Variants in CACNA1C observed in about 807,000 individuals in gnomAD.
CACNA1C encodes voltage-dependent L-type calcium channel subunit alpha-1C.
A neutral mutation model predicts 229.0 loss-of-function variants in CACNA1C; 30 were observed. The ratio of observed to expected loss-of-function variants is 0.13; its 90% CI spans 0.10 to 0.18. The LOEUF is 0.18. Among genes scored for constraint, CACNA1C ranks in the 10% least tolerant of loss-of-function variants. CACNA1C has a pLI of 1.00. For synonymous variants in CACNA1C, 1,114 were observed against 1,132.5 expected, an observed-to-expected ratio of 0.98 and a Z score of 0.33; for missense variants, 1,658 against 2,845.0, an observed-to-expected ratio of 0.58 and a Z score of 9.49.
rs1262171750 is a variant in CACNA1C at position 2,310,342 on chromosome 12, TA to T, written c.478-138623del. 7.0e-3 allele frequency among the ~76,000 whole-genome samples: 1,015 copies of T among 144,236 alleles called. 7 individuals are homozygous for T. The highest frequency in any genetic ancestry group is 0.022 in the South Asian group (99 of 4,488). The allele number at this position is 144,236 out of a possible 152,430, so 94.6% of individuals were successfully genotyped here. On this transcript the variant is annotated intron_variant, in intron 3 of 46. Coordinates refer to ENST00000399655, the MANE Select transcript of CACNA1C (RefSeq NM_000719.7). ...CCTGTCCTGTCCTCTGCCTCCCAGT[TA>T]AAAAAAAAAATATATATATATATAT... is the stretch of plus-strand genomic sequence containing the variant.
At chr12:2,325,429 T>C (rs922102110) in intron 3 of CACNA1C, among the ~76,000 whole-genome samples, 2 of 152,252 alleles carry the variant, frequency 1.3e-5, no homozygotes, top group African/African-American at 4.8e-5. Context: ...GAAGTAAATG[T>C]CTAATAGTTG....
At chr12:2,131,718 A>C (rs1175404478) in intron 3 of CACNA1C, among the ~76,000 whole-genome samples, 1 of 147,990 alleles carries the variant, frequency 6.8e-6, no homozygotes, top group Admixed American at 6.7e-5. Flanking sequence ...CCTTGTAGTA[A>C]AGTTTGAAGT....
At chr12:2,681,385 A>C (rs3829328) in intron 42 of CACNA1C, among the ~76,000 whole-genome samples, 22,763 of 152,208 alleles carry the variant, frequency 0.15, 3,222 homozygotes, top group African/African-American at 0.37. Flanking sequence ...GGTACAAACA[A>C]CACACAGGGC....
At chr12:2,004,555 C>T (rs2043007195) in intron 1 of CACNA1C, 1 of 1,382,880 alleles carries the variant, frequency 7.2e-7, no homozygotes, top group Non-Finnish European at 9.6e-7. Flanking sequence ...GGCCTTCCGG[C>T]TCCAGTCACC....
At chr12:2,019,305 T>A (rs2045966013) in intron 1 of CACNA1C, among the ~76,000 whole-genome samples, 1 of 151,842 alleles carries the variant, frequency 6.6e-6, no homozygotes, top group Non-Finnish European at 1.5e-5. Context: ...CTACAAAAAA[T>A]TTTTAAAAAG....
At chr12:2,314,444 C>T (rs992509947) in intron 3 of CACNA1C, among the ~76,000 whole-genome samples, 4 of 152,210 alleles carry the variant, frequency 2.6e-5, no homozygotes, top group East Asian at 3.8e-4. Flanking sequence ...ACGGCTGTGT[C>T]GCCAGCACCC....
intron 3 of CACNA1C, among the ~76,000 whole-genome samples, chr12:2,419,684 C>A (rs993719541): frequency 3.9e-5 from 6 of 152,122 alleles, no homozygotes; most frequent in African/African-American, 1.4e-4. Context: ...AAAGAATAGT[C>A]CCTCTAGACA....
intron 1 of CACNA1C, among the ~76,000 whole-genome samples, chr12:2,023,716 A>G (rs1316964227): frequency 6.6e-6 from 1 of 152,200 alleles, no homozygotes; most frequent in African/African-American, 2.4e-5. Context: ...TAGTAAGTCC[A>G]GTTTGACAAA....
At chr12:2,664,790 T>C in intron 34 of CACNA1C, 35 bp from the exon 35 acceptor site, 5 of 1,523,890 alleles carry the variant, frequency 3.3e-6, no homozygotes, top group Non-Finnish European at 3.5e-6. Context: ...ATCTGTAGGA[T>C]GGGCTGCATG....
chr12:2,610,818 A>G (rs1184490314), intron 28 of CACNA1C, 119 bp downstream of exon 28: 1 of 987,860 alleles, frequency 1.0e-6, no homozygotes, highest in African/African-American at 1.6e-5. Context: ...CAAGGGAGGC[A>G]TTTGGAGAAA....
intron 3 of CACNA1C, among the ~76,000 whole-genome samples, chr12:2,422,294 T>C (rs1009171947): frequency 1.3e-5 from 2 of 152,196 alleles, no homozygotes; most frequent in African/African-American, 4.8e-5. Flanking sequence ...GGAAGATAGC[T>C]GTTACAGGCC....
chr12:2,157,211 T>C (rs2095598115), intron 3 of CACNA1C, among the ~76,000 whole-genome samples: 1 of 152,180 alleles, frequency 6.6e-6, no homozygotes, highest in Admixed American at 6.5e-5. Flanking sequence ...ATTAGCTAGA[T>C]TGAGTAATTC....
At chr12:2,668,709 T>C (rs1432101556) in intron 37 of CACNA1C, 2 of 532,534 alleles carry the variant, frequency 3.8e-6, no homozygotes, top group Non-Finnish European at 6.8e-6. Context: ...GCAGATCTCA[T>C]GAGTACTCAC....
chr12:2,634,608 G>A (rs932428365), intron 30 of CACNA1C, among the ~76,000 whole-genome samples: 3 of 143,742 alleles, frequency 2.1e-5, no homozygotes, highest in African/African-American at 7.8e-5. Context: ...TTTCTGTTAA[G>A]TTCTGATTGC....
In CACNA1C at chr12:2,665,519, G is replaced by A; in HGVS notation, c.4399-62G>A. On this transcript the variant is annotated intron_variant, in intron 35 of 46. Transcript: ENST00000399655. The surrounding 1 kb of genome is among the most constrained non-coding windows in gnomAD (Gnocchi z 5.9). ...TCAGTAGGCCCCAGCTGGCAAGGGG[G>A]TTCCAGAGGCAGGTGTGTAGGAAGG... 3.8e-6 allele frequency: 6 copies of A among 1,592,686 alleles called. No homozygotes were observed. Among genetic ancestry groups the A allele is most frequent in the Admixed American group, 3.4e-5 (2 of 59,166 alleles).
chr12:2,505,018 G>A (rs1057443917), intron 8 of CACNA1C, 73 bp downstream of exon 8: 10 of 825,042 alleles, frequency 1.2e-5, no homozygotes, highest in African/African-American at 1.0e-4. Flanking sequence ...ATTCCTGGCT[G>A]TATTCTTTTT....
chr12:1,983,669 C>T (rs945699870), intron 1 of CACNA1C, among the ~76,000 whole-genome samples: 3 of 151,956 alleles, frequency 2.0e-5, no homozygotes, highest in Admixed American at 6.6e-5. Context: ...GAATGTTTCA[C>T]GTGCACTTGA....
chr12:1,975,899 T>G (rs2034195208), intron 1 of CACNA1C, among the ~76,000 whole-genome samples: 1 of 152,166 alleles, frequency 6.6e-6, no homozygotes, highest in Non-Finnish European at 1.5e-5. Context: ...AAGTAGAAAC[T>G]GTGTTAATTG....
rs1555425896 is a variant in CACNA1C at position 2,310,352 on chromosome 12, A to ATATAT, written c.478-138624_478-138623insTATAT. Among the ~76,000 whole-genome samples, 1,149 of 139,764 alleles carry ATATAT rather than the reference A, an allele frequency of 8.2e-3. 9 individuals carry two copies. The highest frequency in any genetic ancestry group is 0.036 in the East Asian group (168 of 4,644). 91.7% of individuals were successfully genotyped at this position (139,764 alleles called of 152,430 possible). ...CCTCTGCCTCCCAGTTAAAAAAAAA[A>ATATAT]ATATATATATATATATATATGTATG... On this transcript the variant is annotated intron_variant, in intron 3 of 46. Coordinates refer to ENST00000399655, the MANE Select transcript of CACNA1C (RefSeq NM_000719.7).
Sources: allele counts gnomAD v4.1 joint callset (sites outside exome capture counted in the v4.1 genomes callset), GRCh38; gene constraint gnomAD v4.1.1; non-coding constraint Gnocchi (gnomAD v3.1); transcripts MANE v1.5; gene names NCBI Gene and HGNC (gene_info 2026-07-23, HGNC 2026-07-21).